The following COL14A1 variants were observed in gnomAD, a reference collection of about 807,000 sequenced individuals.
COL14A1 encodes collagen type XIV alpha 1 chain.
In COL14A1, 136 loss-of-function variants were observed where a neutral mutation model predicts 230.3. The ratio of observed to expected loss-of-function variants is 0.59; its 90% confidence interval spans 0.51 to 0.68. COL14A1 has a LOEUF of 0.68. COL14A1 is among the 30% of genes least tolerant of loss of function. The pLI is 0.00. For missense variants in COL14A1, 1,976 were observed against 2,215.8 expected, an observed-to-expected ratio of 0.89 and a Z score of 2.17; for synonymous variants, 792 against 784.1, an observed-to-expected ratio of 1.01 and a Z score of -0.17.
chr8:120,142,094 A>G (rs1403845835), intron 1 of COL14A1, among the ~76,000 whole-genome samples: 1 of 152,036 alleles, frequency 6.6e-6, no homozygotes, highest in Non-Finnish European at 1.5e-5. Flanking sequence ...CCAAAAAGAC[A>G]AACGTGGCCT....
chr8:120,176,676 C>T (rs754431402), intron 5 of COL14A1, among the ~76,000 whole-genome samples: 181 of 152,124 alleles, frequency 1.2e-3, no homozygotes, highest in African/African-American at 4.2e-3. Context: ...CTGGCAAGAG[C>T]CTGACTCCAC....
intron 33 of COL14A1, 93 bp from the exon 34 acceptor site, chr8:120,289,515 T>C: frequency 2.5e-6 from 3 of 1,179,584 alleles, no homozygotes; most frequent in African/African-American, 1.5e-5. Context: ...CTCTTCTCTT[T>C]CATACTTTGT....
Position 120,207,102 on chromosome 8 carries a change from G to A in COL14A1, c.1191+8G>A. The A allele has an allele frequency of 6.2e-7, 1 of 1,604,476 alleles. No homozygotes were observed. Among genetic ancestry groups the A allele is most frequent in the Non-Finnish European group, 8.5e-7 (1 of 1,176,588 alleles). ...GGTGGAAAACCAGACGAGGTAATAA[G>A]GAGAGAGTATTTTCAAACCATTCTT... is the stretch of plus-strand genomic sequence containing the variant. On this transcript the variant is annotated splice_region_variant and intron_variant, in intron 10 of 47. Coordinates refer to ENST00000297848, the MANE Select transcript of COL14A1 (RefSeq NM_021110.4).
rs775700709 is a variant in COL14A1 at position 120,289,760 on chromosome 8, T to G, written c.4230T>G (p.Ser1410=). 1.9e-6 allele frequency: 3 copies of G among 1,612,738 alleles called. No homozygotes were observed. In the Admixed American group the frequency reaches 5.0e-5, roughly 27 times the overall value. Residue 1410 remains serine (S), a synonymous_variant, in exon 34 of 48, where the codon TCT becomes TCG. Coordinates refer to ENST00000297848, the MANE Select transcript of COL14A1 (RefSeq NM_021110.4). ...MVRSRGPGGN[S]APFQLQMFDI... is the part of the protein sequence containing the mutation. Reference sequence around the variant, plus strand: ...GATCAAGAGGACCAGGTGGAAACTCTGCACCGGTAAGTGAATAAACCCGTG... The same window carrying G: ...GATCAAGAGGACCAGGTGGAAACTCGGCACCGGTAAGTGAATAAACCCGTG...
chr8:120,344,089 C>T (rs779934484), intron 44 of COL14A1, among the ~76,000 whole-genome samples: 3 of 152,076 alleles, frequency 2.0e-5, no homozygotes, highest in Non-Finnish European at 2.9e-5. Context: ...TAGAAGTCAT[C>T]AAGGGATTGG....
chr8:120,196,924 G>A lies in COL14A1; in HGVS notation c.570G>A (p.Val190=), dbSNP rs1229678049. ...AAAACCTGGTTACAGCATTCGATGT[G>A]GGCTCAGAGAAGACACGAATTGGTA... ...FLENLVTAFD[V]GSEKTRIGLA... Residue 190 remains valine (V), a synonymous_variant, in exon 6 of 48, where the codon GTG becomes GTA. Transcript: ENST00000297848. 4 of 1,613,710 alleles carry A rather than the reference G, an allele frequency of 2.5e-6. No homozygotes were observed. The Admixed American group carries it at 6.7e-5, about 27-fold the overall frequency.
intron 13 of COL14A1, among the ~76,000 whole-genome samples, chr8:120,213,471 A>G (rs1817668397): frequency 6.6e-6 from 1 of 152,206 alleles, no homozygotes; most frequent in South Asian, 2.1e-4. Context: ...AAGTTTGCAC[A>G]CATCCACTCT....
chr8:120,332,769 G>A lies in COL14A1; in HGVS notation c.4785+34G>A, dbSNP rs1821916132. ...GCAGCGGTAGCTGCTCAGAATGTAG[G>A]CCCAGTCATCACGTTTATTTATGTG... On this transcript the variant is annotated intron_variant, in intron 42 of 47. Transcript: ENST00000297848. 6 of 1,549,542 alleles carry A rather than the reference G, an allele frequency of 3.9e-6. No homozygotes were observed. The South Asian group carries it at 5.7e-5, about 15-fold the overall frequency.
intron 19 of COL14A1, among the ~76,000 whole-genome samples, chr8:120,235,564 C>T (rs1818416275): frequency 6.6e-6 from 1 of 152,058 alleles, no homozygotes; most frequent in African/African-American, 2.4e-5. Context: ...TTTCAAAAAA[C>T]AAGCTCCTGG....
chr8:120,207,139 A>T, intron 10 of COL14A1, 45 bp downstream of exon 10: 1 of 1,519,288 alleles, frequency 6.6e-7, no homozygotes, highest in Non-Finnish European at 9.0e-7. Context: ...TTATTCTCTC[A>T]AGTCTTCTAC....
intron 5 of COL14A1, among the ~76,000 whole-genome samples, chr8:120,188,084 C>CT (rs202106370): frequency 1.3e-3 from 189 of 141,538 alleles, no homozygotes; most frequent in Admixed American, 1.4e-3. Context: ...GAAGGCTTAA[C>CT]TTTTTTTTTT....
chr8:120,204,290 A>G (rs1817360574), intron 9 of COL14A1, among the ~76,000 whole-genome samples: 1 of 152,144 alleles, frequency 6.6e-6, no homozygotes, highest in Admixed American at 6.6e-5. Context: ...TTTCCACCAC[A>G]AGGATCACTC....
chr8:120,216,609 G>C (rs73704298), intron 14 of COL14A1, 119 bp downstream of exon 14: 1 of 1,069,042 alleles, frequency 9.4e-7, no homozygotes, highest in African/African-American at 1.6e-5. Flanking sequence ...TTATTGTCTC[G>C]CATAGTTCCT....
At chr8:120,318,328 G>A (rs185493093) in intron 40 of COL14A1, among the ~76,000 whole-genome samples, 1 of 152,270 alleles carries the variant, frequency 6.6e-6, no homozygotes, top group Admixed American at 6.5e-5. Context: ...GCCTAGAGGA[G>A]ATGGAAGGAA....
chr8:120,281,439 C>A (rs1235147688), intron 31 of COL14A1, among the ~76,000 whole-genome samples: 1 of 151,838 alleles, frequency 6.6e-6, no homozygotes, highest in African/African-American at 2.4e-5. Flanking sequence ...GTAGTGTGCA[C>A]CTGTAGTCCC....
chr8:120,265,666 C>T (rs889292094), intron 24 of COL14A1, among the ~76,000 whole-genome samples: 3 of 151,022 alleles, frequency 2.0e-5, no homozygotes, highest in Non-Finnish European at 3.0e-5. Context: ...TGTATGTGTG[C>T]GTAAGTTTTA....
chr8:120,226,475 C>A lies in COL14A1; in HGVS notation c.1865-152C>A, dbSNP rs537161636. On this transcript the variant is annotated intron_variant, in intron 15 of 47. Transcript: ENST00000297848. ...GCTGGAAACAGAAATGGAAGGCCAC[C>A]CTGGACTGATGGGCCCCAGTTTTCC... is the stretch of plus-strand genomic sequence containing the variant. The A allele has an allele frequency of 1.1e-5, 7 of 615,966 alleles. No homozygotes were observed. The South Asian group carries it at 2.3e-4, about 20-fold the overall frequency. The allele number at this position is 615,966 out of a possible 1,614,324, so 38.2% of individuals were successfully genotyped here. A position where few individuals can be genotyped will look rare whatever the true frequency, so the allele number is the denominator to read the frequency against.
At chr8:120,240,092 A>C (rs1818568208) in intron 19 of COL14A1, among the ~76,000 whole-genome samples, 1 of 152,148 alleles carries the variant, frequency 6.6e-6, no homozygotes, top group African/African-American at 2.4e-5. Context: ...AAAGATCAAA[A>C]GTCTTAAACA....
At chr8:120,134,245 A>T (rs1814637467) in intron 1 of COL14A1, among the ~76,000 whole-genome samples, 1 of 152,080 alleles carries the variant, frequency 6.6e-6, no homozygotes, top group South Asian at 2.1e-4. Context: ...AAATAATCAG[A>T]AAGAAAACTT....
Sources: allele counts gnomAD v4.1 joint callset (sites outside exome capture counted in the v4.1 genomes callset), GRCh38; gene constraint gnomAD v4.1.1; transcripts MANE v1.5; gene names NCBI Gene and HGNC (gene_info 2026-07-23, HGNC 2026-07-21).